PTK6: variants seen among roughly 807,000 people sequenced by gnomAD.
PTK6 encodes protein-tyrosine kinase 6.
A neutral mutation model predicts 47.5 loss-of-function variants in PTK6; 47 were observed. That is an observed-to-expected ratio of 0.99 (90% CI 0.78 to 1.26). The LOEUF (loss-of-function observed/expected upper bound fraction) is 1.26, where lower values mean the gene tolerates loss of function less well. Ranked by LOEUF, PTK6 falls within the 50% of genes most tolerant of loss-of-function variation. The pLI, the probability that PTK6 is intolerant of heterozygous loss-of-function variation, is 0.00. For synonymous variants in PTK6, 287 were observed against 276.5 expected, an observed-to-expected ratio of 1.04 and a Z score of -0.38; for missense variants, 618 against 625.3, an observed-to-expected ratio of 0.99 and a Z score of 0.12.
rs139847446 is a variant in PTK6 at position 63,537,247 on chromosome 20, G to T, written c.68C>A (p.Thr23Lys). The change falls in exon 1 of 8, where the codon ACG becomes AAG. Residue 23 changes from threonine (T) to lysine (K), a missense_variant. Coordinates refer to ENST00000542869, the MANE Select transcript of PTK6 (RefSeq NM_005975.4). Reference sequence around the variant, plus strand: ...CGCGCGGAAGCTCAGCTCCTCGTCCGTCCGGGACTTGAAGTCCCAGAGGCC... The same window carrying T: ...CGCGCGGAAGCTCAGCTCCTCGTCCTTCCGGGACTTGAAGTCCCAGAGGCC... ...YVGLWDFKSR[T>K]DEELSFRAGD... 3.0e-5 allele frequency: 48 copies of T among 1,612,248 alleles called. No individual in the cohort carries two copies. In the South Asian group the frequency reaches 4.7e-4, roughly 16 times the overall value.
rs745614327 is a variant in PTK6, at chr20:63,530,275, G to T, written c.1015-44C>A. 5.0e-6 allele frequency: 8 copies of T among 1,604,658 alleles called. No homozygotes were observed. The highest frequency in any genetic ancestry group is 6.0e-6 in the Non-Finnish European group (7 of 1,173,424). On this transcript the variant is annotated intron_variant, in intron 6 of 7. Transcript: ENST00000542869. This position sits in a 1 kb window ranked among gnomAD's most constrained non-coding sequence, Gnocchi z 4.1. ...TGAGTGGGCCGTGGGGGCTGCCTGT[G>T]CCCTGCCCCCGAAGCATGGACGGGC...
rs775971928 is a variant in PTK6 at position 63,530,787 on chromosome 20, G to A, written c.973C>T (p.Leu325Phe). The change falls in exon 6 of 8, where the codon CTC becomes TTC. Residue 325 changes from leucine (L) to phenylalanine (F), a missense_variant. Physicochemically the swap from Leu to Phe is conservative, Grantham distance 22. Transcript: ENST00000542869. This position sits in a 1 kb window ranked among gnomAD's most constrained non-coding sequence, Gnocchi z 4.1. Reference protein sequence around the residue: ...ARNILVGENTLCKVGDFGLAR... With the variant: ...ARNILVGENTFCKVGDFGLAR... ...AACCCGAAGTCCCCAACTTTGCAGA[G>A]GGTGTTTTCCCCGACGAGGATGTTC... The A allele has an allele frequency of 6.2e-7, 1 of 1,614,118 alleles. No homozygotes were observed. Among genetic ancestry groups the A allele is most frequent in the Non-Finnish European group, 8.5e-7 (1 of 1,179,970 alleles).
intron 5 of PTK6, among the ~76,000 whole-genome samples, chr20:63,531,438 ATATAT>A (rs1257511227): frequency 1.4e-3 from 93 of 68,580 alleles, no homozygotes; most frequent in African/African-American, 8.7e-3. Flanking sequence ...AAAAAAAAAA[ATATAT>A]ATATATATAT....
intron 1 of PTK6, among the ~76,000 whole-genome samples, chr20:63,535,703 C>T (rs1345826044): frequency 3.3e-5 from 5 of 151,530 alleles, no homozygotes; most frequent in African/African-American, 1.2e-4. Context: ...GGGTCCACCC[C>T]CTCCACTTCC....
Position 63,529,387 on chromosome 20 carries a change from T to G in PTK6, c.*149A>C. On this transcript the variant is annotated 3_prime_UTR_variant, in exon 8 of 8. Coordinates refer to ENST00000542869, the MANE Select transcript of PTK6 (RefSeq NM_005975.4). This position sits in a 1 kb window ranked among gnomAD's most constrained non-coding sequence, Gnocchi z 5.6. ...GTAAGGAGAGGAGCACACGCGTGTA[T>G]TGGACGCAGACACTCCACATTTGTG... The G allele has an allele frequency of 2.3e-6, 2 of 860,014 alleles. No individual in the cohort carries two copies. Among genetic ancestry groups the G allele is most frequent in the African/African-American group, 1.8e-5 (1 of 56,886 alleles). 53.3% of individuals were successfully genotyped at this position (860,014 alleles called of 1,614,324 possible). A position where few individuals can be genotyped will look rare whatever the true frequency, so the allele number is the denominator to read the frequency against.
intron 1 of PTK6, 79 bp from the exon 2 acceptor site, chr20:63,535,138 T>A: frequency 6.7e-7 from 1 of 1,482,860 alleles, no homozygotes; most frequent in Non-Finnish European, 9.0e-7. Flanking sequence ...CCTGCCCGCC[T>A]GGAACCCCAG....
Position 63,529,902 on chromosome 20 carries a change from G to T in PTK6, c.1168+176C>A. ...CTCCCTCTGGACAGGGCTCCAACAGGCAGCTCCAGGCACCAGCCTGGGTGC... is the reference window on the plus strand; with the variant it reads ...CTCCCTCTGGACAGGGCTCCAACAGTCAGCTCCAGGCACCAGCCTGGGTGC... On this transcript the variant is annotated intron_variant, in intron 7 of 7. Transcript: ENST00000542869. This position sits in a 1 kb window ranked among gnomAD's most constrained non-coding sequence, Gnocchi z 5.6. 9.4e-7 allele frequency: 1 copy of T among 1,065,410 alleles called. No individual in the cohort carries two copies. The highest frequency in any genetic ancestry group is 1.3e-6 in the Non-Finnish European group (1 of 757,234). 66.0% of individuals were successfully genotyped at this position (1,065,410 alleles called of 1,614,324 possible). A position where few individuals can be genotyped will look rare whatever the true frequency, so the allele number is the denominator to read the frequency against.
chr20:63,529,955 AGGCGAT>A lies in PTK6; in HGVS notation c.1168+117_1168+122del. On this transcript the variant is annotated intron_variant, in intron 7 of 7. Coordinates refer to ENST00000542869, the MANE Select transcript of PTK6 (RefSeq NM_005975.4). This position sits in a 1 kb window ranked among gnomAD's most constrained non-coding sequence, Gnocchi z 5.6. ...AGAGAATGGTGCAGGTGTGGAGTTC[AGGCGAT>A]GGCCCGCGGAGGGCCCTGAAGCCCG... The A allele has an allele frequency of 7.8e-7, 1 of 1,284,698 alleles. No homozygotes were observed. The highest frequency in any genetic ancestry group is 1.1e-6 in the Non-Finnish European group (1 of 940,300). 79.6% of individuals were successfully genotyped at this position (1,284,698 alleles called of 1,614,324 possible). A position where few individuals can be genotyped will look rare whatever the true frequency, so the allele number is the denominator to read the frequency against.
rs371437901 is a variant in PTK6 at position 63,530,260 on chromosome 20, G to T, written c.1015-29C>A. ...CAATCAGCCTGGAGCTGAGTGGGCC[G>T]TGGGGGCTGCCTGTGCCCTGCCCCC... On this transcript the variant is annotated intron_variant, in intron 6 of 7. Transcript: ENST00000542869. The surrounding 1 kb of genome is among the most constrained non-coding windows in gnomAD (Gnocchi z 4.1). 6.2e-7 allele frequency: 1 copy of T among 1,609,742 alleles called. No homozygotes were observed. The highest frequency in any genetic ancestry group is 8.5e-7 in the Non-Finnish European group (1 of 1,177,100).
At chr20:63,535,110 AC>A in intron 1 of PTK6, 51 bp from the exon 2 acceptor site, 1 of 1,531,416 alleles carries the variant, frequency 6.5e-7, no homozygotes. Flanking sequence ...CCCCACGTGG[AC>A]CCCACGCTGG....
At chr20:63,531,451 T>G (rs1294302325) in intron 5 of PTK6, among the ~76,000 whole-genome samples, 1 of 122,506 alleles carries the variant, frequency 8.2e-6, no homozygotes, top group African/African-American at 3.3e-5. Context: ...TATATATATA[T>G]ATATATATAT....
rs1600930839 is a variant in PTK6, at chr20:63,529,720, A to T, written c.1172T>A (p.Met391Lys). The change falls in exon 8 of 8, where the codon ATG becomes AAG. Residue 391 changes from methionine to lysine, a missense_variant. Met to Lys is a moderately conservative substitution (Grantham distance 95, BLOSUM62 -1). Coordinates refer to ENST00000542869, the MANE Select transcript of PTK6 (RefSeq NM_005975.4). This position sits in a 1 kb window ranked among gnomAD's most constrained non-coding sequence, Gnocchi z 5.6. The part of the protein sequence containing the change: ...FSRGQVPYPG[M>K]SNHEAFLRVD... Reference sequence around the variant, plus strand: ...CCTCAGGAAGGCCTCATGGTTGGACATGCCTGCGGCCGACAGGGATGAGAA... The same window carrying T: ...CCTCAGGAAGGCCTCATGGTTGGACTTGCCTGCGGCCGACAGGGATGAGAA... 3.2e-6 allele frequency: 5 copies of T among 1,540,212 alleles called. No individual in the cohort carries two copies. The highest frequency in any genetic ancestry group is 2.1e-5 in the Admixed American group (1 of 46,990).
chr20:63,529,523 G>T lies in PTK6; in HGVS notation c.*13C>A. On this transcript the variant is annotated 3_prime_UTR_variant, in exon 8 of 8. Coordinates refer to ENST00000542869, the MANE Select transcript of PTK6 (RefSeq NM_005975.4). The surrounding 1 kb of genome is among the most constrained non-coding windows in gnomAD (Gnocchi z 5.6). ...TCCTCAGCAGGGCCCGGCCATGCCC[G>T]CTCCACAGCAGCTCAGGTCGGGTTC... 6.5e-7 allele frequency: 1 copy of T among 1,548,186 alleles called. No homozygotes were observed. Among genetic ancestry groups the T allele is most frequent in the South Asian group, 1.2e-5 (1 of 83,638 alleles).
Position 63,529,518 on chromosome 20 carries a change from T to G in PTK6, c.*18A>C. Reference sequence around the variant, plus strand: ...GCCCCTCCTCAGCAGGGCCCGGCCATGCCCGCTCCACAGCAGCTCAGGTCG... The same window carrying G: ...GCCCCTCCTCAGCAGGGCCCGGCCAGGCCCGCTCCACAGCAGCTCAGGTCG... On this transcript the variant is annotated 3_prime_UTR_variant, in exon 8 of 8. Coordinates refer to ENST00000542869, the MANE Select transcript of PTK6 (RefSeq NM_005975.4). The surrounding 1 kb of genome is among the most constrained non-coding windows in gnomAD (Gnocchi z 5.6). The G allele has an allele frequency of 6.5e-7, 1 of 1,543,934 alleles. No homozygotes were observed. The highest frequency in any genetic ancestry group is 1.2e-5 in the South Asian group (1 of 83,150).
At chr20:63,534,825 G>A (rs2082651278) in intron 2 of PTK6, 113 bp downstream of exon 2, 4 of 1,401,548 alleles carry the variant, frequency 2.9e-6, no homozygotes, top group Non-Finnish European at 3.8e-6. Flanking sequence ...TCCCTGGAGA[G>A]GAGCCCATGT....
At position 63,530,095 on chromosome 20, in the gene PTK6, C is replaced by T; in HGVS notation, c.1151G>A (p.Gly384Asp). Residue 384 changes from glycine (G) to aspartate (D), a missense_variant, in exon 7 of 8, where the codon GGT (glycine) becomes GAT (aspartate). Physicochemically the swap from Gly to Asp is moderately conservative, Grantham distance 94 (BLOSUM62 -1). Transcript: ENST00000542869. The surrounding 1 kb of genome is among the most constrained non-coding windows in gnomAD (Gnocchi z 4.1). ...GILLHEMFSR[G>D]QVPYPGMSNH... is the part of the protein sequence containing the mutation. Reference sequence around the variant, plus strand: ...GACAGTACCTGGGTAGGGCACCTGACCCCTGCTGAACATCTCATGCAGGAG... The same window carrying T: ...GACAGTACCTGGGTAGGGCACCTGATCCCTGCTGAACATCTCATGCAGGAG... The T allele has an allele frequency of 6.2e-7, 1 of 1,613,994 alleles. No homozygotes were observed. The highest frequency in any genetic ancestry group is 8.5e-7 in the Non-Finnish European group (1 of 1,180,018).
chr20:63,534,408 G>A (rs2082648584), intron 2 of PTK6, 93 bp from the exon 3 acceptor site: 2 of 1,434,408 alleles, frequency 1.4e-6, no homozygotes, highest in Non-Finnish European at 1.8e-6. Context: ...AGAGTTTCTG[G>A]GTCCCCACAG....
intron 2 of PTK6, 192 bp downstream of exon 2, chr20:63,534,746 G>T (rs1021152709): frequency 1.1e-6 from 1 of 891,112 alleles, no homozygotes; most frequent in East Asian, 2.8e-5. Flanking sequence ...CCTGCCCCAC[G>T]ACTACCCTAG....
At chr20:63,531,297 T>C (rs1312654567) in intron 5 of PTK6, among the ~76,000 whole-genome samples, 2 of 150,744 alleles carry the variant, frequency 1.3e-5, no homozygotes, top group African/African-American at 2.4e-5. Context: ...GGCGGGCGCC[T>C]GTAGTCCCAG....
Sources: gnomAD v4.1 joint callset for allele counts (sites outside exome capture counted in the v4.1 genomes callset) on GRCh38, gnomAD v4.1.1 for gene constraint, Gnocchi (gnomAD v3.1) non-coding constraint, MANE v1.5 for transcripts, NCBI Gene and HGNC (gene_info 2026-07-23, HGNC 2026-07-21) for gene names.